Variants in LCORL observed in about 807,000 individuals in gnomAD.
LCORL encodes ligand-dependent nuclear receptor corepressor-like protein.
LCORL carries 41 observed loss-of-function variants against 141.8 expected under a neutral mutation model. That is an observed-to-expected ratio of 0.29 (90% confidence interval 0.23 to 0.38). LCORL has a LOEUF of 0.38. LCORL is among the 10% of genes least tolerant of loss of function. The probability of loss-of-function intolerance (pLI) is 1.00; values close to 1 mark genes in which losing one functional copy is unlikely to be tolerated. For missense variants in LCORL, 1,759 were observed against 2,035.0 expected (o/e 0.86, Z 2.61); for synonymous variants, 618 against 694.1 (o/e 0.89, Z 1.72).
chr4:18,007,034 C>G (rs1233749983), intron 1 of LCORL, among the ~76,000 whole-genome samples: 1 of 152,034 alleles, frequency 6.6e-6, no homozygotes, highest in African/African-American at 2.4e-5. Context: ...TAATAGTCTC[C>G]CCCTCTTCTC....
rs192651499 is a variant in LCORL, at chr4:17,908,062, C to T, written c.682+1032G>A. The stretch of plus-strand genomic sequence containing the variant: ...TCTTTTTTTTTAAGAGACAGAGTTT[C>T]GCTCTTGTTGCCCAGGCTGGAGTGC... On this transcript the variant is annotated intron_variant, in intron 5 of 7. Transcript: ENST00000635767. Among the ~76,000 whole-genome samples the T allele has an allele frequency of 1.6e-3, 246 of 152,178 alleles. No individual in the cohort carries two copies. The Middle Eastern group carries it at 0.028, about 17-fold the overall frequency.
intron 7 of LCORL, among the ~76,000 whole-genome samples, chr4:17,861,143 G>T (rs1235285010): frequency 6.6e-6 from 1 of 152,214 alleles, no homozygotes; most frequent in Non-Finnish European, 1.5e-5. Context: ...CTCTGTGTGG[G>T]GGCTGTGACT....
At chr4:17,915,852 G>T (rs1733314440) in intron 4 of LCORL, among the ~76,000 whole-genome samples, 1 of 152,172 alleles carries the variant, frequency 6.6e-6, no homozygotes, top group South Asian at 2.1e-4. Flanking sequence ...CTGTGATATG[G>T]TTTAGATGTT....
rs34770223 is a variant in LCORL at position 17,898,652 on chromosome 4, G to GTTTTTTTTTT, written c.682+10432_682+10441dup. 2.7e-4 allele frequency among the ~76,000 whole-genome samples: 32 copies of GTTTTTTTTTT among 119,260 alleles called. 1 individual carries two copies. Among genetic ancestry groups the GTTTTTTTTTT allele is most frequent in the South Asian group, 1.2e-3 (4 of 3,386 alleles). 78.2% of individuals were successfully genotyped at this position (119,260 alleles called of 152,430 possible). On this transcript the variant is annotated intron_variant, in intron 5 of 7. Transcript: ENST00000635767. Reference sequence around the variant, plus strand: ...TCACTATCAAGAGATCATTCTCACCGTTTTTTTTTTTTTTTTTTTGATGTT... The same window carrying GTTTTTTTTTT: ...TCACTATCAAGAGATCATTCTCACCGTTTTTTTTTTTTTTTTTTTTTTTTTTTTTGATGTT...
chr4:17,938,704 C>T (rs1211483819), intron 4 of LCORL, among the ~76,000 whole-genome samples: 3 of 152,036 alleles, frequency 2.0e-5, no homozygotes, highest in Non-Finnish European at 2.9e-5. Flanking sequence ...TGAGCCACCG[C>T]GCCCGGCCCT....
At chr4:17,932,455 T>C (rs1221992897) in intron 4 of LCORL, among the ~76,000 whole-genome samples, 1 of 152,176 alleles carries the variant, frequency 6.6e-6, no homozygotes, top group Non-Finnish European at 1.5e-5. Flanking sequence ...CTGTTTGGTA[T>C]TCAGGCTTCA....
chr4:17,983,391 CCATGAG>C (rs1718362905), intron 1 of LCORL, among the ~76,000 whole-genome samples: 1 of 152,166 alleles, frequency 6.6e-6, no homozygotes, highest in Non-Finnish European at 1.5e-5. Flanking sequence ...TTCTTCCTAT[CCATGAG>C]CAAAGAAGGT....
intron 7 of LCORL, among the ~76,000 whole-genome samples, chr4:17,862,202 A>G (rs1725093021): frequency 6.6e-6 from 1 of 152,248 alleles, no homozygotes; most frequent in South Asian, 2.1e-4. Context: ...AAAGGAAAGA[A>G]GCTTAATGGA....
intron 4 of LCORL, among the ~76,000 whole-genome samples, chr4:17,944,035 C>T (rs1331823134): frequency 6.6e-6 from 1 of 152,126 alleles, no homozygotes; most frequent in African/African-American, 2.4e-5. Flanking sequence ...AGTCTTAAAT[C>T]TAGTTTACCC....
Position 17,878,211 on chromosome 4 carries a change from G to T in LCORL, c.779C>A (p.Ser260Ter). 8.1e-7 allele frequency: 1 copy of T among 1,228,306 alleles called. No individual in the cohort carries two copies. The highest frequency in any genetic ancestry group is 4.1e-5 in the South Asian group (1 of 24,256). 76.1% of individuals were successfully genotyped at this position (1,228,306 alleles called of 1,614,324 possible). ...TTCCTCTGATTTTGCATCAACAGTTGAACTAAAAATAAAAATCAAACAAAA... is the reference window on the plus strand; with the variant it reads ...TTCCTCTGATTTTGCATCAACAGTTTAACTAAAAATAAAAATCAAACAAAA... The change falls in exon 7 of 8, where the codon TCA becomes TAA. Residue 260 changes from serine to a stop codon, truncating the protein, a stop_gained and splice_region_variant. Transcript: ENST00000635767. LOFTEE classifies it high-confidence loss of function.
chr4:17,994,778 A>G (rs563116644), intron 1 of LCORL, among the ~76,000 whole-genome samples: 22 of 128,228 alleles, frequency 1.7e-4, no homozygotes, highest in East Asian at 1.1e-3. Flanking sequence ...AGTAATAGGG[A>G]AAAAAAAAAT....
chr4:17,901,070 T>G lies in LCORL; in HGVS notation c.682+8024A>C, dbSNP rs1028915713. On this transcript the variant is annotated intron_variant, in intron 5 of 7. Transcript: ENST00000635767. ...AGACAGAAATGTATTGTTCTTTTTT[T>G]TAAAAAAAATGTAATTGCTACTTGG... Among the ~76,000 whole-genome samples, 119 of 152,100 alleles carry G rather than the reference T, an allele frequency of 7.8e-4. 11 individuals carry two copies.
intron 5 of LCORL, among the ~76,000 whole-genome samples, chr4:17,890,173 C>A (rs754465874): frequency 1.3e-5 from 2 of 152,058 alleles, no homozygotes; most frequent in African/African-American, 2.4e-5. Context: ...TACAATAATT[C>A]TCTAAGATAA....
intron 4 of LCORL, 114 bp from the exon 5 acceptor site, chr4:17,909,459 A>G (rs1732157677): frequency 1.6e-6 from 1 of 625,754 alleles, no homozygotes; most frequent in Non-Finnish European, 2.5e-6. Context: ...GCATCAGTCC[A>G]TAACTCCCAA....
At chr4:17,995,388 A>G (rs1295361225) in intron 1 of LCORL, among the ~76,000 whole-genome samples, 1 of 152,156 alleles carries the variant, frequency 6.6e-6, no homozygotes, top group Non-Finnish European at 1.5e-5. Context: ...TTGTGGGAAG[A>G]GGCCAACTGT....
intron 7 of LCORL, among the ~76,000 whole-genome samples, chr4:17,871,193 AAT>A (rs1726294400): frequency 6.6e-6 from 1 of 152,018 alleles, no homozygotes; most frequent in African/African-American, 2.4e-5. Flanking sequence ...AATATTAACA[AAT>A]ATTTCTATAA....
exon 8 of LCORL, chr4:17,843,244 T>A: frequency 1.3e-6 from 2 of 1,552,608 alleles, no homozygotes; most frequent in Non-Finnish European, 1.7e-6. Context: ...GTTTTATTTA[T>A]AAATAAACTG....
At chr4:17,939,879 T>TACACACACAC (rs143670453) in intron 4 of LCORL, among the ~76,000 whole-genome samples, 26 of 147,806 alleles carry the variant, frequency 1.8e-4, no homozygotes, top group African/African-American at 3.5e-4. Context: ...TAGGTACATG[T>TACACACACAC]ACACACACAC....
chr4:17,856,901 T>C (rs999427307), intron 7 of LCORL, among the ~76,000 whole-genome samples: 10 of 152,314 alleles, frequency 6.6e-5, no homozygotes, highest in African/African-American at 2.4e-4. Flanking sequence ...TCCAATTTCA[T>C]TAACACAATT....
Sources: allele counts gnomAD v4.1 joint callset (sites outside exome capture counted in the v4.1 genomes callset), GRCh38; gene constraint gnomAD v4.1.1; transcripts MANE v1.5; gene names NCBI Gene and HGNC (gene_info 2026-07-23, HGNC 2026-07-21).